DIPK1A: variants seen among roughly 807,000 people sequenced by gnomAD.
DIPK1A encodes the protein divergent protein kinase domain 1A, also known as family with sequence similarity 69 member A.
DIPK1A carries 27 observed loss-of-function variants against 40.8 expected under a neutral mutation model. The ratio of observed to expected loss-of-function variants is 0.66; its 90% CI spans 0.49 to 0.91. The LOEUF is 0.91. Ranked by LOEUF, DIPK1A falls within the 40% of genes least tolerant of loss-of-function variation. The pLI is 0.00. For synonymous variants in DIPK1A, 166 were observed against 171.3 expected (o/e 0.97, Z 0.24); for missense variants, 412 against 505.7 (o/e 0.81, Z 1.78).
downstream of DIPK1A, chr1:92,840,758 G>C (rs558931908): frequency 2.6e-5 from 21 of 817,102 alleles, no homozygotes; most frequent in Middle Eastern, 2.2e-4. Context: ...TGTGGCAGAA[G>C]CGAAGGGAAC....
chr1:92,841,181 C>T (rs1687350056), downstream of DIPK1A, among the ~76,000 whole-genome samples: 1 of 152,174 alleles, frequency 6.6e-6, no homozygotes, highest in Non-Finnish European at 1.5e-5. Context: ...CTATCATCTG[C>T]CCATTCTTTG....
intron 1 of DIPK1A, among the ~76,000 whole-genome samples, chr1:92,957,771 T>C (rs1386080791): frequency 6.6e-6 from 1 of 152,246 alleles, no homozygotes; most frequent in Non-Finnish European, 1.5e-5. Context: ...TTTATTCATT[T>C]AAAGCATAAC....
At chr1:92,918,958 C>G (rs942403828) in intron 1 of DIPK1A, among the ~76,000 whole-genome samples, 5 of 152,168 alleles carry the variant, frequency 3.3e-5, no homozygotes, top group Non-Finnish European at 7.3e-5. Flanking sequence ...GGAGCTCAGA[C>G]AGTAATGCTG....
At position 92,844,032 on chromosome 1, in the gene DIPK1A, T is replaced by C. The variant is rs1404900922; in HGVS notation, c.638A>G (p.Glu213Gly). Reference sequence around the variant, plus strand: ...GAATCCCATTAATTTGGGGGTATGTTCTTTATCTTGAAGTATCACCATGAG... The same window carrying C: ...GAATCCCATTAATTTGGGGGTATGTCCTTTATCTTGAAGTATCACCATGAG... ...FLLMVILQDK[E>G]HTPKLMGFCG... The change falls in exon 5 of 5, where the codon GAA becomes GGA. Residue 213 changes from glutamate to glycine, a missense_variant. Transcript: ENST00000370310. 6.4e-7 allele frequency: 1 copy of C among 1,552,162 alleles called. No individual in the cohort carries two copies. The highest frequency in any genetic ancestry group is 2.0e-5 in the Admixed American group (1 of 51,002).
intron 1 of DIPK1A, among the ~76,000 whole-genome samples, chr1:92,948,680 TGTATATG>T (rs1651480163): frequency 8.5e-6 from 1 of 117,190 alleles, no homozygotes; most frequent in Non-Finnish European, 1.9e-5. Context: ...TATATATACA[TGTATATG>T]TATATATACA....
At chr1:92,835,198 C>CTAGT in intron 4 of DIPK1A, 1 of 485,982 alleles carries the variant, frequency 2.1e-6, no homozygotes, top group Non-Finnish European at 3.8e-6. Context: ...CCACTTGTAG[C>CTAGT]TAGTGTCTAC....
downstream of DIPK1A, chr1:92,837,777 T>A (rs1687186031): frequency 1.4e-6 from 1 of 709,022 alleles, no homozygotes; most frequent in Non-Finnish European, 2.5e-6. Flanking sequence ...TAGTAATCTT[T>A]TAGATGCTCA....
chr1:92,881,121 C>T (rs1472317635), intron 1 of DIPK1A, among the ~76,000 whole-genome samples: 3 of 119,858 alleles, frequency 2.5e-5, no homozygotes, highest in African/African-American at 3.3e-5. Context: ...TGTAGTGAGC[C>T]GAGATCATGC....
chr1:92,864,141 C>G (rs893638229), intron 2 of DIPK1A, among the ~76,000 whole-genome samples: 3 of 152,106 alleles, frequency 2.0e-5, no homozygotes, highest in Admixed American at 2.0e-4. Context: ...TTAAAAAACA[C>G]AGGATAATGG....
At chr1:92,834,183 T>A (rs1687027751) in intron 4 of DIPK1A, among the ~76,000 whole-genome samples, 1 of 152,228 alleles carries the variant, frequency 6.6e-6, no homozygotes, top group East Asian at 1.9e-4. Flanking sequence ...GGGTTTGTCC[T>A]GATTTTTCCT....
At chr1:92,877,081 T>C (rs540257576) in intron 1 of DIPK1A, 1 of 985,036 alleles carries the variant, frequency 1.0e-6, no homozygotes, top group African/African-American at 1.7e-5. Flanking sequence ...TAAGATATAT[T>C]AAAAATAAGT....
intron 4 of DIPK1A, chr1:92,836,159 A>C: frequency 6.3e-7 from 1 of 1,589,476 alleles, no homozygotes. Context: ...TGAATAATTG[A>C]AACCAGCATT....
At chr1:92,906,657 T>A (rs1649634700) in intron 1 of DIPK1A, among the ~76,000 whole-genome samples, 1 of 152,028 alleles carries the variant, frequency 6.6e-6, no homozygotes. Context: ...AGATGCACAG[T>A]CAAAAAAGCA....
At chr1:92,876,483 C>T (rs1648133645) in intron 1 of DIPK1A, 53 bp from the exon 2 acceptor site, 1 of 1,596,902 alleles carries the variant, frequency 6.3e-7, no homozygotes, top group Admixed American at 1.7e-5. Flanking sequence ...AATCAGCATT[C>T]AATGTCCTAG....
At chr1:92,912,858 T>G (rs941022817) in intron 1 of DIPK1A, among the ~76,000 whole-genome samples, 6 of 152,002 alleles carry the variant, frequency 3.9e-5, no homozygotes, top group African/African-American at 1.5e-4. Context: ...CCCAGCACTT[T>G]GGGAGGGCGA....
chr1:92,871,738 T>G (rs1647870846), intron 2 of DIPK1A, among the ~76,000 whole-genome samples: 1 of 152,220 alleles, frequency 6.6e-6, no homozygotes, highest in Admixed American at 6.5e-5. Context: ...TGTGTTTGGC[T>G]TCTTTCACTT....
Position 92,849,348 on chromosome 1 carries a change from G to GT in DIPK1A, c.297+1499dup, listed in dbSNP as rs71586765. Among the ~76,000 whole-genome samples the GT allele has an allele frequency of 6.4e-3, 926 of 144,420 alleles. 18 individuals carry two copies. The highest frequency in any genetic ancestry group is 0.022 in the African/African-American group (850 of 38,852). 94.7% of individuals were successfully genotyped at this position (144,420 alleles called of 152,430 possible). Reference sequence around the variant, plus strand: ...AAGCAATCTTGTCTGGTTTTTTTTTGTTTTTTTTTTTTTTTTTGAGACAGG... The same window carrying GT: ...AAGCAATCTTGTCTGGTTTTTTTTTGTTTTTTTTTTTTTTTTTTGAGACAGG... On this transcript the variant is annotated intron_variant, in intron 3 of 4. Transcript: ENST00000370310.
chr1:92,837,805 G>T, downstream of DIPK1A: 2 of 628,962 alleles, frequency 3.2e-6, no homozygotes, highest in Non-Finnish European at 5.6e-6. Flanking sequence ...GAGACTTCAA[G>T]CATCTGAAGA....
chr1:92,947,123 T>A (rs1019051990), intron 1 of DIPK1A, among the ~76,000 whole-genome samples: 2 of 152,150 alleles, frequency 1.3e-5, no homozygotes, highest in Non-Finnish European at 2.9e-5. Context: ...CTATTATATG[T>A]ATATAGTAAC....
Sources: allele counts gnomAD v4.1 joint callset (sites outside exome capture counted in the v4.1 genomes callset), GRCh38; gene constraint gnomAD v4.1.1; transcripts MANE v1.5; gene names NCBI Gene and HGNC (gene_info 2026-07-23, HGNC 2026-07-21).